ADAM18: variants seen among roughly 807,000 people sequenced by gnomAD.
ADAM18 encodes the protein disintegrin and metalloproteinase domain-containing protein 18.
Under a neutral mutation model 94.4 loss-of-function variants are expected in ADAM18, and 117 were observed. The observed-to-expected ratio is 1.24, with a 90% confidence interval of 1.07 to 1.45. The LOEUF is 1.45. Ranked by LOEUF, ADAM18 falls within the 40% of genes most tolerant of loss-of-function variation. ADAM18 has a pLI of 0.00. For missense variants in ADAM18, 936 were observed against 880.0 expected (o/e 1.06, Z -0.81); for synonymous variants, 327 against 291.6 (o/e 1.12, Z -1.24).
chr8:39,666,035 G>GT (rs1470357616), intron 13 of ADAM18, among the ~76,000 whole-genome samples: 4 of 151,822 alleles, frequency 2.6e-5, no homozygotes, highest in Admixed American at 6.6e-5. Context: ...AATTATCTCA[G>GT]TTTTTTTTGT....
At position 39,585,294 on chromosome 8, in the gene ADAM18, T is replaced by C. The variant is rs1281021669; in HGVS notation, c.74T>C (p.Leu25Pro). ...QAHEGSEGIF[L>P]HVTVPRKIKS... is the part of the protein sequence containing the mutation. Reference sequence around the variant, plus strand: ...ACTGCAGGTTCTGAAGGAATATTTCTGCATGTCACAGTTCCACGGAAGATT... The same window carrying C: ...ACTGCAGGTTCTGAAGGAATATTTCCGCATGTCACAGTTCCACGGAAGATT... The change falls in exon 2 of 20, where the codon CTG (leucine) becomes CCG (proline). Residue 25 changes from leucine (L) to proline (P), a missense_variant. Transcript: ENST00000265707. The C allele has an allele frequency of 6.2e-7, 1 of 1,612,716 alleles. No homozygotes were observed. Among genetic ancestry groups the C allele is most frequent in the East Asian group, 2.2e-5 (1 of 44,878 alleles).
chr8:39,726,325 C>T (rs933828748), intron 19 of ADAM18, among the ~76,000 whole-genome samples: 11 of 150,734 alleles, frequency 7.3e-5, no homozygotes, highest in Non-Finnish European at 8.9e-5. Context: ...ACAGTGTCTC[C>T]GTATGTTGCG....
At chr8:39,667,240 A>G (rs552666211) in intron 13 of ADAM18, among the ~76,000 whole-genome samples, 4 of 151,930 alleles carry the variant, frequency 2.6e-5, no homozygotes, top group Non-Finnish European at 4.4e-5. Context: ...TGTCTTTACT[A>G]AAAATACAAA....
chr8:39,625,467 T>C (rs1014452092), intron 6 of ADAM18, among the ~76,000 whole-genome samples: 2 of 152,270 alleles, frequency 1.3e-5, no homozygotes, highest in African/African-American at 4.8e-5. Flanking sequence ...AGGTATATGA[T>C]TATAACATTG....
chr8:39,631,100 A>G (rs1444632530), intron 7 of ADAM18, among the ~76,000 whole-genome samples: 1 of 151,930 alleles, frequency 6.6e-6, no homozygotes, highest in African/African-American at 2.4e-5. Context: ...ATATATTCCA[A>G]ATATGAGGAC....
intron 6 of ADAM18, among the ~76,000 whole-genome samples, chr8:39,626,067 T>TA (rs1018693421): frequency 9.7e-4 from 147 of 152,286 alleles, no homozygotes; most frequent in African/African-American, 3.4e-3. Context: ...GGCAGTTTTT[T>TA]AAAATTAGTG....
rs1821816018 is a variant in ADAM18, at chr8:39,692,690, T to C, written c.1902+10T>C. The C allele has an allele frequency of 6.3e-7, 1 of 1,582,986 alleles. No homozygotes were observed. Among genetic ancestry groups the C allele is most frequent in the African/African-American group, 1.4e-5 (1 of 73,894 alleles). On this transcript the variant is annotated intron_variant, in intron 17 of 19. Transcript: ENST00000265707. ...ATGCAAAGGGAAAGGGGTAAGTCAC[T>C]TTTGTATCTGAATTGCATGTTATTC...
chr8:39,585,105 G>A (rs1461052711), intron 1 of ADAM18, among the ~76,000 whole-genome samples, 171 bp from the exon 2 acceptor site: 2 of 152,002 alleles, frequency 1.3e-5, no homozygotes, highest in East Asian at 3.9e-4. Context: ...TTTTCAATGT[G>A]CTGTTGATTA....
chr8:39,595,695 T>G (rs1818720410), intron 2 of ADAM18, among the ~76,000 whole-genome samples: 1 of 151,998 alleles, frequency 6.6e-6, no homozygotes, highest in South Asian at 2.1e-4. Flanking sequence ...CTAATTTTTT[T>G]GTATTTTTAG....
intron 17 of ADAM18, among the ~76,000 whole-genome samples, chr8:39,694,003 C>T (rs1009699431): frequency 6.6e-6 from 1 of 151,042 alleles, no homozygotes; most frequent in African/African-American, 2.4e-5. Context: ...GAGTTGTTCT[C>T]TTTTTATTAA....
chr8:39,699,318 T>TTAAC (rs1300838256), intron 17 of ADAM18, among the ~76,000 whole-genome samples: 1 of 152,138 alleles, frequency 6.6e-6, no homozygotes, highest in Non-Finnish European at 1.5e-5. Flanking sequence ...CAATATTTGC[T>TTAAC]TAACTTGCTA....
At chr8:39,608,529 T>C (rs1230742937) in intron 3 of ADAM18, among the ~76,000 whole-genome samples, 2 of 151,998 alleles carry the variant, frequency 1.3e-5, no homozygotes, top group African/African-American at 4.8e-5. Flanking sequence ...ATTAATTCTT[T>C]CTAGAATAAC....
chr8:39,585,254 C>A, intron 1 of ADAM18, 22 bp from the exon 2 acceptor site: 2 of 1,599,088 alleles, frequency 1.3e-6, no homozygotes, highest in Non-Finnish European at 1.7e-6. Flanking sequence ...AAGACAAAAA[C>A]AAACACATTT....
intron 6 of ADAM18, among the ~76,000 whole-genome samples, chr8:39,627,788 T>A (rs900922566): frequency 1.3e-5 from 2 of 152,142 alleles, no homozygotes; most frequent in Non-Finnish European, 2.9e-5. Context: ...TATTCTTCAT[T>A]GTGTTACTGT....
chr8:39,631,703 A>C (rs549473478), intron 7 of ADAM18, among the ~76,000 whole-genome samples: 48 of 152,138 alleles, frequency 3.2e-4, no homozygotes, highest in African/African-American at 1.1e-3. Flanking sequence ...AAATTTTCCA[A>C]AAATACTGTA....
intron 13 of ADAM18, among the ~76,000 whole-genome samples, chr8:39,665,380 G>A (rs1422482249): frequency 1.3e-5 from 2 of 152,080 alleles, no homozygotes; most frequent in African/African-American, 4.8e-5. Flanking sequence ...TCCATTTTTG[G>A]TGATGAAAAT....
At chr8:39,694,291 A>G (rs1469569017) in intron 17 of ADAM18, among the ~76,000 whole-genome samples, 6 of 151,424 alleles carry the variant, frequency 4.0e-5, no homozygotes, top group East Asian at 3.9e-4. Context: ...TCTATTATGA[A>G]TAAGTGTTAA....
rs1246033321 is a variant in ADAM18 at position 39,683,098 on chromosome 8, G to A, written c.1821+2872G>A. Among the ~76,000 whole-genome samples, 4 of 152,178 alleles carry A rather than the reference G, an allele frequency of 2.6e-5. No individual in the cohort carries two copies. The East Asian group carries it at 5.8e-4, about 22-fold the overall frequency. On this transcript the variant is annotated intron_variant, in intron 16 of 19. Coordinates refer to ENST00000265707, the MANE Select transcript of ADAM18 (RefSeq NM_014237.3). Reference sequence around the variant, plus strand: ...TTGCAACATTAGGATATAACAGACAGTATTTTCCGTTTTGTTCTCCTGCCC... The same window carrying A: ...TTGCAACATTAGGATATAACAGACAATATTTTCCGTTTTGTTCTCCTGCCC...
chr8:39,636,989 G>A (rs1820089418), intron 7 of ADAM18, among the ~76,000 whole-genome samples: 1 of 142,294 alleles, frequency 7.0e-6, no homozygotes. Context: ...CCATATTCAA[G>A]GCTTAATAAT....
Sources: gnomAD v4.1 joint callset for allele counts (sites outside exome capture counted in the v4.1 genomes callset) on GRCh38, gnomAD v4.1.1 for gene constraint, MANE v1.5 for transcripts, NCBI Gene and HGNC (gene_info 2026-07-23, HGNC 2026-07-21) for gene names.